The following PDLIM1 variants were observed in gnomAD, a reference collection of about 807,000 sequenced individuals.
The protein encoded by PDLIM1 is PDZ and LIM domain protein 1.
A neutral mutation model predicts 35.2 loss-of-function variants in PDLIM1; 25 were observed. That is an observed-to-expected ratio of 0.71 (90% CI 0.52 to 0.99). The LOEUF is 0.99. Among genes scored for constraint, PDLIM1 ranks in the 50% least tolerant of loss-of-function variants. The pLI, the probability that PDLIM1 is intolerant of heterozygous loss-of-function variation, is 0.00. For missense variants in PDLIM1, 363 were observed against 415.3 expected (o/e 0.87, Z 1.09); for synonymous variants, 152 against 154.0 (o/e 0.99, Z 0.10).
rs45601131 is a variant in PDLIM1, at chr10:95,264,474, A to C, written c.334-411T>G. ...AATATGCAGTCACTTTGGTCAGTGC[A>C]AAAGCAGGAGATGATAAAAGGTGGA... On this transcript the variant is annotated intron_variant, in intron 3 of 6. Transcript: ENST00000329399. 4.8e-3 allele frequency among the ~76,000 whole-genome samples: 726 copies of C among 152,346 alleles called. 5 individuals are homozygous for C. Among genetic ancestry groups the C allele is most frequent in the African/African-American group, 0.016 (663 of 41,586 alleles).
At chr10:95,245,689 T>C (rs1031928187) in intron 5 of PDLIM1, among the ~76,000 whole-genome samples, 31 of 152,328 alleles carry the variant, frequency 2.0e-4, no homozygotes, top group African/African-American at 6.7e-4. Context: ...GCTGCTCAGC[T>C]ACTCCAAGCA....
intron 4 of PDLIM1, among the ~76,000 whole-genome samples, chr10:95,250,874 C>G (rs11188250): frequency 0.25 from 37,667 of 152,088 alleles, 5,051 homozygotes; most frequent in Non-Finnish European, 0.31. Flanking sequence ...TATTTTCTCC[C>G]ACTATTTTAG....
At chr10:95,278,337 T>C (rs1397782823) in intron 1 of PDLIM1, among the ~76,000 whole-genome samples, 1 of 152,206 alleles carries the variant, frequency 6.6e-6, no homozygotes, top group Non-Finnish European at 1.5e-5. Context: ...GAGCCCCCAC[T>C]GTCAGGGCTC....
rs1169606503 is a variant in PDLIM1, at chr10:95,238,059, A to G, written c.856T>C (p.Cys286Arg). Residue 286 changes from cysteine (C) to arginine (R), a missense_variant, in exon 7 of 7, where the codon TGC (cysteine) becomes CGC (arginine). Transcript: ENST00000329399. Reference sequence around the variant, plus strand: ...TTCAGGTTGGTGCCACAGTCAGTGCACACATAACACTCAGGGTGGCGGTGA... The same window carrying G: ...TTCAGGTTGGTGCCACAGTCAGTGCGCACATAACACTCAGGGTGGCGGTGA... ...DRHRHPECYV[C>R]TDCGTNLKQK... is the part of the protein sequence containing the mutation. 1 of 1,614,154 alleles carries G rather than the reference A, an allele frequency of 6.2e-7. No individual in the cohort carries two copies. Among genetic ancestry groups the G allele is most frequent in the Admixed American group, 1.7e-5 (1 of 60,016 alleles).
intron 5 of PDLIM1, 143 bp downstream of exon 5, chr10:95,247,072 T>A (rs1322596659): frequency 1.4e-6 from 1 of 715,668 alleles, no homozygotes; most frequent in South Asian, 1.9e-5. Context: ...TCTCCCTCTA[T>A]CTCTTTTTAA....
At chr10:95,280,293 T>C (rs779594392) in intron 1 of PDLIM1, among the ~76,000 whole-genome samples, 1 of 152,142 alleles carries the variant, frequency 6.6e-6, no homozygotes, top group Non-Finnish European at 1.5e-5. Context: ...GAGAATCACT[T>C]GAACCGGGGA....
intron 1 of PDLIM1, among the ~76,000 whole-genome samples, chr10:95,278,787 G>C (rs2035537102): frequency 6.6e-6 from 1 of 152,172 alleles, no homozygotes; most frequent in Admixed American, 6.5e-5. Context: ...CCTTAGCTCT[G>C]CTGAGATTAA....
chr10:95,264,608 C>G (rs945945743), intron 3 of PDLIM1, among the ~76,000 whole-genome samples: 3 of 152,158 alleles, frequency 2.0e-5, no homozygotes, highest in African/African-American at 7.2e-5. Flanking sequence ...TCCTGCAGAG[C>G]AAGGGTAAAG....
At chr10:95,278,450 T>TG (rs1258769865) in intron 1 of PDLIM1, among the ~76,000 whole-genome samples, 2 of 152,038 alleles carry the variant, frequency 1.3e-5, no homozygotes, top group Admixed American at 6.6e-5. Context: ...CACAGTCTCC[T>TG]GGGGGGAGAC....
intron 4 of PDLIM1, among the ~76,000 whole-genome samples, chr10:95,248,483 A>T (rs1365775888): frequency 1.3e-5 from 2 of 152,196 alleles, no homozygotes; most frequent in African/African-American, 4.8e-5. Flanking sequence ...CCCAGCCTCA[A>T]GTGATCCTCC....
chr10:95,252,755 T>C (rs1379461281), intron 4 of PDLIM1, among the ~76,000 whole-genome samples: 2 of 152,026 alleles, frequency 1.3e-5, no homozygotes, highest in Non-Finnish European at 2.9e-5. Flanking sequence ...CCACAGTGGA[T>C]ACACTCAGCA....
chr10:95,276,936 G>A (rs1439937211), intron 1 of PDLIM1, among the ~76,000 whole-genome samples: 1 of 147,728 alleles, frequency 6.8e-6, no homozygotes, highest in East Asian at 2.0e-4. Flanking sequence ...TTCTGGGCCA[G>A]GCATGGTGGC....
intron 3 of PDLIM1, among the ~76,000 whole-genome samples, chr10:95,267,849 T>C (rs940477548): frequency 6.6e-6 from 1 of 152,238 alleles, no homozygotes; most frequent in East Asian, 1.9e-4. Flanking sequence ...AAATTTCAAA[T>C]CTTCAACTTG....
intron 5 of PDLIM1, among the ~76,000 whole-genome samples, chr10:95,240,179 C>G (rs2035165911): frequency 6.6e-6 from 1 of 152,188 alleles, no homozygotes; most frequent in Non-Finnish European, 1.5e-5. Flanking sequence ...CATGAAAATA[C>G]ATGCACTCTT....
chr10:95,250,981 G>A (rs1306872054), intron 4 of PDLIM1, among the ~76,000 whole-genome samples: 1 of 152,190 alleles, frequency 6.6e-6, no homozygotes, highest in African/African-American at 2.4e-5. Context: ...GGATCCTAGT[G>A]GTCTTTAGAA....
Position 95,290,758 on chromosome 10 carries a change from C to T in PDLIM1, c.96+62G>A. The T allele has an allele frequency of 3.3e-6, 4 of 1,211,268 alleles. No individual in the cohort carries two copies. Among genetic ancestry groups the T allele is most frequent in the African/African-American group, 1.6e-5 (1 of 63,496 alleles). The allele number at this position is 1,211,268 out of a possible 1,614,324, so 75.0% of individuals were successfully genotyped here. On this transcript the variant is annotated intron_variant, in intron 1 of 6. Transcript: ENST00000329399. The surrounding 1 kb of genome is among the most constrained non-coding windows in gnomAD (Gnocchi z 4.7). ...CGTCCCCGACCGCGCCCGCGGGGCCCCAGTCTCCGCATATCACCTCCCATA... is the reference window on the plus strand; with the variant it reads ...CGTCCCCGACCGCGCCCGCGGGGCCTCAGTCTCCGCATATCACCTCCCATA...
At chr10:95,269,762 C>T (rs1589515725) in intron 2 of PDLIM1, among the ~76,000 whole-genome samples, 1 of 151,992 alleles carries the variant, frequency 6.6e-6, no homozygotes, top group Non-Finnish European at 1.5e-5. Flanking sequence ...GACAGAGTCT[C>T]GCTCTGTCGC....
At chr10:95,240,889 G>GTAGC (rs955432712) in intron 5 of PDLIM1, among the ~76,000 whole-genome samples, 1 of 152,154 alleles carries the variant, frequency 6.6e-6, no homozygotes, top group Non-Finnish European at 1.5e-5. Context: ...CTGTACCATG[G>GTAGC]TAGCTATTAA....
At chr10:95,267,588 A>G (rs1037232725) in intron 3 of PDLIM1, among the ~76,000 whole-genome samples, 3 of 152,164 alleles carry the variant, frequency 2.0e-5, no homozygotes, top group Non-Finnish European at 4.4e-5. Context: ...GGGATTTTTA[A>G]TAATTATTTT....
Sources: gnomAD v4.1 joint callset for allele counts (sites outside exome capture counted in the v4.1 genomes callset) on GRCh38, gnomAD v4.1.1 for gene constraint, Gnocchi (gnomAD v3.1) non-coding constraint, MANE v1.5 for transcripts, NCBI Gene and HGNC (gene_info 2026-07-23, HGNC 2026-07-21) for gene names.